The following PRKG1 variants were observed in gnomAD, a reference collection of about 807,000 sequenced individuals.
PRKG1 encodes the protein protein kinase cGMP-dependent 1.
PRKG1 carries 35 observed loss-of-function variants against 88.1 expected under a neutral mutation model. The observed-to-expected ratio is 0.40, with a 90% CI of 0.30 to 0.53. PRKG1 has a LOEUF of 0.53. PRKG1 is among the 20% of genes least tolerant of loss of function. PRKG1 has a pLI of 0.59. For missense variants in PRKG1, 540 were observed against 839.8 expected, an observed-to-expected ratio of 0.64 and a Z score of 4.41; for synonymous variants, 303 against 292.5, an observed-to-expected ratio of 1.04 and a Z score of -0.37.
chr10:51,657,942 C>T (rs1305824215), intron 3 of PRKG1, among the ~76,000 whole-genome samples: 3 of 152,038 alleles, frequency 2.0e-5, no homozygotes, highest in Admixed American at 6.6e-5. Context: ...AGAAATGGAA[C>T]GTGTCCTAAA....
chr10:51,898,938 A>G (rs1050227701), intron 4 of PRKG1, among the ~76,000 whole-genome samples: 1 of 152,210 alleles, frequency 6.6e-6, no homozygotes, highest in Non-Finnish European at 1.5e-5. Context: ...TATTTACAAA[A>G]CAGAAAGTTT....
intron 3 of PRKG1, among the ~76,000 whole-genome samples, chr10:51,710,538 T>A (rs904686574): frequency 6.6e-6 from 1 of 152,230 alleles, no homozygotes; most frequent in East Asian, 1.9e-4. Flanking sequence ...AAGCCTGCTC[T>A]ATGGATAGTA....
At chr10:52,293,675 C>G in intron 17 of PRKG1, 127 bp from the exon 18 acceptor site, 1 of 709,366 alleles carries the variant, frequency 1.4e-6, no homozygotes, top group Non-Finnish European at 2.4e-6. Flanking sequence ...CCCTCAATAC[C>G]TGCTACATAG....
chr10:51,007,933 A>G (rs1842957484), intron 1 of PRKG1, among the ~76,000 whole-genome samples: 1 of 152,230 alleles, frequency 6.6e-6, no homozygotes, highest in African/African-American at 2.4e-5. Flanking sequence ...TGGTGCCTCC[A>G]GGCAGGAATT....
In PRKG1 at chr10:51,181,224, A is replaced by ATTTTT. The variant is rs1223588085; in HGVS notation, c.478+27918_478+27922dup. ...AAGCTGACCAAGATTATTATATAGA[A>ATTTTT]TTTTTTTTTTTTTTTTTTTTTTTTT... On this transcript the variant is annotated intron_variant, in intron 2 of 17. Coordinates refer to ENST00000373980, the MANE Select transcript of PRKG1 (RefSeq NM_006258.4). Among the ~76,000 whole-genome samples the ATTTTT allele has an allele frequency of 6.6e-3, 517 of 78,286 alleles. 70 individuals carry two copies. The highest frequency in any genetic ancestry group is 0.017 in the African/African-American group (329 of 19,808). The allele number at this position is 78,286 out of a possible 152,430, so 51.4% of individuals were successfully genotyped here. A position where few individuals can be genotyped will look rare whatever the true frequency, so the allele number is the denominator to read the frequency against.
At chr10:51,602,338 A>G (rs1194184021) in intron 3 of PRKG1, among the ~76,000 whole-genome samples, 1 of 152,138 alleles carries the variant, frequency 6.6e-6, no homozygotes, top group Non-Finnish European at 1.5e-5. Flanking sequence ...TGAATCAGAA[A>G]TTATTTGAGT....
At chr10:51,243,822 C>T (rs1386098295) in intron 2 of PRKG1, among the ~76,000 whole-genome samples, 3 of 152,132 alleles carry the variant, frequency 2.0e-5, no homozygotes, top group South Asian at 2.1e-4. Flanking sequence ...GGGCTGGAAA[C>T]GGAACAATTA....
intron 4 of PRKG1, among the ~76,000 whole-genome samples, chr10:51,861,524 G>T (rs560625245): frequency 1.3e-5 from 2 of 152,190 alleles, no homozygotes; most frequent in African/African-American, 4.8e-5. Flanking sequence ...TTGGCTTGCA[G>T]TCTTAAGTAA....
At chr10:51,728,172 A>T (rs1842179931) in intron 3 of PRKG1, among the ~76,000 whole-genome samples, 1 of 152,136 alleles carries the variant, frequency 6.6e-6, no homozygotes, top group Non-Finnish European at 1.5e-5. Context: ...TTCATAGATC[A>T]TTCAGAAATA....
At chr10:51,866,836 A>C (rs1841026596) in intron 4 of PRKG1, among the ~76,000 whole-genome samples, 1 of 152,188 alleles carries the variant, frequency 6.6e-6, no homozygotes, top group Admixed American at 6.5e-5. Context: ...ACTACCAGGA[A>C]ATGTGCTTTG....
chr10:51,473,775 T>G (rs1225819296), intron 3 of PRKG1, among the ~76,000 whole-genome samples: 2 of 151,706 alleles, frequency 1.3e-5, no homozygotes, highest in African/African-American at 4.8e-5. Flanking sequence ...TTTTAGCTGT[T>G]TTTGTTAGTT....
chr10:51,000,637 T>A (rs1378422489), intron 1 of PRKG1, among the ~76,000 whole-genome samples: 1 of 152,212 alleles, frequency 6.6e-6, no homozygotes, highest in East Asian at 1.9e-4. Context: ...ATTTTATAGT[T>A]ATAGATATTT....
chr10:51,441,807 T>G (rs1430432510), intron 2 of PRKG1, among the ~76,000 whole-genome samples: 1 of 151,996 alleles, frequency 6.6e-6, no homozygotes, highest in African/African-American at 2.4e-5. Context: ...TTCTCCTGAG[T>G]CATATTACAC....
At chr10:51,382,503 G>A (rs928913673) in intron 2 of PRKG1, among the ~76,000 whole-genome samples, 2 of 152,080 alleles carry the variant, frequency 1.3e-5, no homozygotes, top group East Asian at 1.9e-4. Context: ...TAAACATATC[G>A]TCAACTTTAC....
At chr10:52,012,753 T>C (rs993411164) in intron 5 of PRKG1, among the ~76,000 whole-genome samples, 1 of 152,156 alleles carries the variant, frequency 6.6e-6, no homozygotes, top group African/African-American at 2.4e-5. Flanking sequence ...TTAGTAATAA[T>C]AATATTATTA....
intron 1 of PRKG1, among the ~76,000 whole-genome samples, chr10:51,091,892 C>G (rs190421405): frequency 6.6e-6 from 1 of 152,224 alleles, no homozygotes; most frequent in East Asian, 1.9e-4. Flanking sequence ...AAGTAATTTG[C>G]CTGAGATCAC....
chr10:51,100,166 T>C (rs1844643744), intron 1 of PRKG1, among the ~76,000 whole-genome samples: 1 of 152,154 alleles, frequency 6.6e-6, no homozygotes, highest in Non-Finnish European at 1.5e-5. Context: ...AGTGCTGTGA[T>C]TACAGAAATG....
intron 2 of PRKG1, among the ~76,000 whole-genome samples, chr10:51,391,881 T>C (rs1369683426): frequency 6.6e-6 from 1 of 152,242 alleles, no homozygotes; most frequent in Non-Finnish European, 1.5e-5. Context: ...GAACTCTATC[T>C]GGATAAAAAT....
intron 5 of PRKG1, among the ~76,000 whole-genome samples, chr10:51,923,788 G>A (rs938708403): frequency 1.3e-5 from 2 of 151,322 alleles, no homozygotes; most frequent in Non-Finnish European, 2.9e-5. Flanking sequence ...TTAAGAATAA[G>A]AAAAATAAAT....
Sources: gnomAD v4.1 joint callset for allele counts (sites outside exome capture counted in the v4.1 genomes callset) on GRCh38, gnomAD v4.1.1 for gene constraint, MANE v1.5 for transcripts, NCBI Gene and HGNC (gene_info 2026-07-23, HGNC 2026-07-21) for gene names.